Variants in GALNT13 observed in about 807,000 individuals in gnomAD.
GALNT13 encodes the protein UDP-GalNAc:polypeptide N-acetylgalactosaminyltransferase 13.
In GALNT13, 28 loss-of-function variants were observed where a neutral mutation model predicts 64.2. That is an observed-to-expected ratio of 0.44 (90% CI 0.32 to 0.60). The LOEUF (loss-of-function observed/expected upper bound fraction) is 0.60, where lower values mean the gene tolerates loss of function less well. Among genes scored for constraint, GALNT13 ranks in the 20% least tolerant of loss-of-function variants. GALNT13 has a pLI of 0.05. For synonymous variants in GALNT13, 214 were observed against 224.6 expected (o/e 0.95, Z 0.42); for missense variants, 577 against 669.8 (o/e 0.86, Z 1.53).
the GALNT13 span, among the ~76,000 whole-genome samples, chr2:153,841,793 C>G: frequency 6.6e-6 from 1 of 152,046 alleles, no homozygotes; most frequent in Non-Finnish European, 1.5e-5. Flanking sequence ...ATTATAAGGT[C>G]CTTCTTTATT....
At chr2:153,814,086 A>T in the GALNT13 span, among the ~76,000 whole-genome samples, 2 of 152,210 alleles carry the variant, frequency 1.3e-5, no homozygotes, top group African/African-American at 4.8e-5. Flanking sequence ...AGTAGCAGGC[A>T]TCTGAAAATC....
chr2:153,879,770 A>G (rs2105233901), intron 1 of GALNT13, among the ~76,000 whole-genome samples: 1 of 152,286 alleles, frequency 6.6e-6, no homozygotes. Context: ...TTTGAAAGTG[A>G]AGGAAGAAAA....
At chr2:153,673,920 G>T in the GALNT13 span, among the ~76,000 whole-genome samples, 1 of 152,114 alleles carries the variant, frequency 6.6e-6, no homozygotes, top group African/African-American at 2.4e-5. Flanking sequence ...CAGACAAACA[G>T]AGCCAAATCA....
chr2:154,184,741 C>T (rs1265063911), intron 4 of GALNT13, among the ~76,000 whole-genome samples: 1 of 152,108 alleles, frequency 6.6e-6, no homozygotes, highest in Non-Finnish European at 1.5e-5. Flanking sequence ...CACACCAGAA[C>T]TTATAGAGCA....
chr2:153,535,926 C>T, the GALNT13 span, among the ~76,000 whole-genome samples: 1 of 152,054 alleles, frequency 6.6e-6, no homozygotes, highest in Non-Finnish European at 1.5e-5. Flanking sequence ...ACTGCAGTGG[C>T]CTTCTCAGAC....
At chr2:153,479,344 G>T in the GALNT13 span, among the ~76,000 whole-genome samples, 47 of 152,256 alleles carry the variant, frequency 3.1e-4, no homozygotes, top group African/African-American at 1.1e-3. Context: ...CATGGAAGAA[G>T]GAAGGAAGAA....
At chr2:153,578,202 T>C in the GALNT13 span, among the ~76,000 whole-genome samples, 1 of 152,174 alleles carries the variant, frequency 6.6e-6, no homozygotes, top group Non-Finnish European at 1.5e-5. Context: ...AGGTGAAGTC[T>C]CTAACTATGT....
the GALNT13 span, among the ~76,000 whole-genome samples, chr2:153,097,632 C>A: frequency 0.012 from 1,898 of 152,218 alleles, 17 homozygotes; most frequent in South Asian, 0.045. Context: ...TCTGTCAGAG[C>A]CTCTAATTTG....
At chr2:153,285,366 T>G in the GALNT13 span, among the ~76,000 whole-genome samples, 1 of 152,168 alleles carries the variant, frequency 6.6e-6, no homozygotes, top group African/African-American at 2.4e-5. Context: ...ATACATACAT[T>G]TACATCCTCT....
At chr2:154,042,248 C>A (rs538529343) in intron 3 of GALNT13, among the ~76,000 whole-genome samples, 1 of 139,532 alleles carries the variant, frequency 7.2e-6, no homozygotes, top group Admixed American at 7.2e-5. Context: ...AAAACGGAAA[C>A]GATGACATTA....
At chr2:154,212,988 G>A (rs1687860449) in intron 4 of GALNT13, among the ~76,000 whole-genome samples, 1 of 152,104 alleles carries the variant, frequency 6.6e-6, no homozygotes, top group Admixed American at 6.6e-5. Context: ...GAAATCAAAG[G>A]ACTGAGTTAG....
the GALNT13 span, among the ~76,000 whole-genome samples, chr2:153,128,571 A>G: frequency 6.6e-6 from 1 of 152,146 alleles, no homozygotes; most frequent in Non-Finnish European, 1.5e-5. Flanking sequence ...TTCAAACAAT[A>G]CAAAGAATAT....
chr2:153,468,084 G>A, the GALNT13 span, among the ~76,000 whole-genome samples: 1 of 151,918 alleles, frequency 6.6e-6, no homozygotes, highest in Admixed American at 6.6e-5. Flanking sequence ...AGGTAACCTA[G>A]ACTCTAAGAA....
intron 11 of GALNT13, among the ~76,000 whole-genome samples, chr2:154,431,566 TC>T (rs1448795163): frequency 6.6e-6 from 1 of 152,232 alleles, no homozygotes; most frequent in Non-Finnish European, 1.5e-5. Flanking sequence ...TTGTAAAATG[TC>T]TTTGGACATT....
At chr2:153,830,376 T>C in the GALNT13 span, among the ~76,000 whole-genome samples, 1 of 152,084 alleles carries the variant, frequency 6.6e-6, no homozygotes, top group South Asian at 2.1e-4. Flanking sequence ...TTCCTAGAAA[T>C]GGGGAAATTC....
chr2:154,093,012 T>C (rs1701895414), intron 3 of GALNT13, among the ~76,000 whole-genome samples: 2 of 151,894 alleles, frequency 1.3e-5, no homozygotes, highest in South Asian at 4.1e-4. Context: ...AAGCACTAAA[T>C]AGAAAAAATT....
chr2:154,397,375 C>G (rs2105365586), intron 10 of GALNT13, among the ~76,000 whole-genome samples: 1 of 152,206 alleles, frequency 6.6e-6, no homozygotes, highest in South Asian at 2.1e-4. Context: ...GGAGGTGGAG[C>G]TTGCAATGAG....
chr2:153,326,388 A>C, the GALNT13 span, among the ~76,000 whole-genome samples: 1 of 150,602 alleles, frequency 6.6e-6, no homozygotes, highest in African/African-American at 2.5e-5. Context: ...GTCTTTGCAC[A>C]TGAGATGGGT....
At chr2:154,295,169 C>T (rs1216002286) in intron 8 of GALNT13, among the ~76,000 whole-genome samples, 1 of 152,034 alleles carries the variant, frequency 6.6e-6, no homozygotes, top group Non-Finnish European at 1.5e-5. Context: ...AACTGTCAGT[C>T]AGTAGTTTAT....
Sources: allele counts gnomAD v4.1 joint callset (sites outside exome capture counted in the v4.1 genomes callset), GRCh38; gene constraint gnomAD v4.1.1; transcripts MANE v1.5; gene names NCBI Gene and HGNC (gene_info 2026-07-23, HGNC 2026-07-21).